Variants in VPS26C observed in about 807,000 individuals in gnomAD.
VPS26C encodes the protein vacuolar protein sorting-associated protein 26C.
Under a neutral mutation model 30.6 loss-of-function variants are expected in VPS26C, and 19 were observed. The ratio of observed to expected loss-of-function variants is 0.62; its 90% CI spans 0.43 to 0.91. VPS26C has a LOEUF of 0.91. VPS26C is among the 40% of genes least tolerant of loss of function. The pLI, the probability that VPS26C is intolerant of heterozygous loss-of-function variation, is 0.00. For synonymous variants in VPS26C, 132 were observed against 151.5 expected (o/e 0.87, Z 0.95); for missense variants, 318 against 385.1 (o/e 0.83, Z 1.46).
rs2086259486 is a variant in VPS26C at position 37,257,821 on chromosome 21, C to T, written c.57+9417G>A. Among the ~76,000 whole-genome samples the T allele has an allele frequency of 6.6e-6, 1 of 152,134 alleles. No individual in the cohort carries two copies. The highest frequency in any genetic ancestry group is 2.1e-4 in the South Asian group (1 of 4,818). On this transcript the variant is annotated intron_variant, in intron 1 of 7. Coordinates refer to ENST00000309117, the MANE Select transcript of VPS26C (RefSeq NM_006052.2). This position sits in a 1 kb window ranked among gnomAD's most constrained non-coding sequence, Gnocchi z 4.2. ...AGGGACCGGCGGAAAGGAAAGTCGG[C>T]GTTAGCTGGATTGGAAACAGTCCAG...
intron 1 of VPS26C, among the ~76,000 whole-genome samples, chr21:37,254,128 C>T (rs982644142): frequency 4.6e-5 from 7 of 152,052 alleles, no homozygotes; most frequent in African/African-American, 7.2e-5. Flanking sequence ...ACAGGGAGTC[C>T]GCCAAAGAAA....
At chr21:37,254,704 G>C in intron 1 of VPS26C, among the ~76,000 whole-genome samples, 1 of 152,090 alleles carries the variant, frequency 6.6e-6, no homozygotes, top group African/African-American at 2.4e-5. Context: ...CCAGCTACTT[G>C]GGAGGCTGCG....
At chr21:37,258,183 C>T (rs889924375) in intron 1 of VPS26C, among the ~76,000 whole-genome samples, 1 of 152,236 alleles carries the variant, frequency 6.6e-6, no homozygotes, top group African/African-American at 2.4e-5. Flanking sequence ...GCCACTGACC[C>T]GGGCGCCTCC....
intron 1 of VPS26C, 95 bp downstream of exon 1, chr21:37,267,143 C>A: frequency 8.5e-7 from 1 of 1,176,340 alleles, no homozygotes. Context: ...CCCTGCCCCG[C>A]CTAGGGACGC....
rs764321836 is a variant in VPS26C at position 37,227,670 on chromosome 21, G to T, written c.795C>A (p.Thr265=). The T allele has an allele frequency of 6.2e-7, 1 of 1,613,890 alleles. No homozygotes were observed. Among genetic ancestry groups the T allele is most frequent in the Non-Finnish European group, 8.5e-7 (1 of 1,179,884 alleles). ...PRLFTCPTLE[T]TNFKVEFEVN... ...GCCACTTACCCACTTTGAAGTTGGT[G>T]GTCTCCAGTGTAGGGCAGGTGAACA... Residue 265 remains threonine (T), a synonymous_variant, in exon 7 of 8, where the codon ACC becomes ACA. Transcript: ENST00000309117.
chr21:37,247,327 T>A (rs1047753500), intron 1 of VPS26C, among the ~76,000 whole-genome samples: 2 of 151,930 alleles, frequency 1.3e-5, no homozygotes, highest in African/African-American at 4.8e-5. Flanking sequence ...GTAACTAAGA[T>A]CAGGTAGTAG....
intron 1 of VPS26C, among the ~76,000 whole-genome samples, chr21:37,264,998 C>A (rs2086343914): frequency 6.6e-6 from 1 of 152,186 alleles, no homozygotes; most frequent in Non-Finnish European, 1.5e-5. Context: ...AGCATGAACA[C>A]TGAACATTAC....
rs1482682274 is a variant in VPS26C, at chr21:37,226,697, T to A, written c.811+957A>T. Reference sequence around the variant, plus strand: ...ACCCAGGCGCTGCTTAGAGTCCGAGTGAGTTCCAGTCTCGGGCCTGACCGT... The same window carrying A: ...ACCCAGGCGCTGCTTAGAGTCCGAGAGAGTTCCAGTCTCGGGCCTGACCGT... On this transcript the variant is annotated intron_variant, in intron 7 of 7. Coordinates refer to ENST00000309117, the MANE Select transcript of VPS26C (RefSeq NM_006052.2). This position sits in a 1 kb window ranked among gnomAD's most constrained non-coding sequence, Gnocchi z 4.1. The A allele has an allele frequency of 6.6e-6, 1 of 152,032 alleles. No homozygotes were observed. The highest frequency in any genetic ancestry group is 1.5e-5 in the Non-Finnish European group (1 of 68,024). The allele number at this position is 152,032 out of a possible 1,614,324, so 9.4% of individuals were successfully genotyped here.
At chr21:37,229,846 C>T (rs2085943447) in intron 5 of VPS26C, among the ~76,000 whole-genome samples, 1 of 152,156 alleles carries the variant, frequency 6.6e-6, no homozygotes, top group African/African-American at 2.4e-5. Context: ...CTGAAGAAGT[C>T]TGCATTCAAG....
intron 1 of VPS26C, among the ~76,000 whole-genome samples, chr21:37,247,212 C>T (rs1199746022): frequency 6.6e-6 from 1 of 152,176 alleles, no homozygotes; most frequent in Non-Finnish European, 1.5e-5. Flanking sequence ...AGTACATTCA[C>T]ATCATCACAG....
Position 37,233,321 on chromosome 21 carries a change from A to G in VPS26C, c.432+41T>C, listed in dbSNP as rs1268913075. 1 of 1,534,062 alleles carries G rather than the reference A, an allele frequency of 6.5e-7. No individual in the cohort carries two copies. The highest frequency in any genetic ancestry group is 1.1e-5 in the South Asian group (1 of 89,430). ...GGTAAACTCTCAGACCCCATGGGAG[A>G]TTCCTATCATTAAGCACCAGAGTCC... is the stretch of plus-strand genomic sequence containing the variant. On this transcript the variant is annotated intron_variant, in intron 4 of 7. Coordinates refer to ENST00000309117, the MANE Select transcript of VPS26C (RefSeq NM_006052.2). This position sits in a 1 kb window ranked among gnomAD's most constrained non-coding sequence, Gnocchi z 5.2.
Position 37,254,931 on chromosome 21 carries a change from G to T in VPS26C, c.57+12307C>A, listed in dbSNP as rs76197602. 3.7e-3 allele frequency among the ~76,000 whole-genome samples: 567 copies of T among 152,240 alleles called. 6 individuals are homozygous for T. Among genetic ancestry groups the T allele is most frequent in the African/African-American group, 0.012 (512 of 41,534 alleles). ...TTCAGGTTAATCCAGGGTAGGCTCT[G>T]GGGACAGATCACCTAAGGCTGCTCT... On this transcript the variant is annotated intron_variant, in intron 1 of 7. Coordinates refer to ENST00000309117, the MANE Select transcript of VPS26C (RefSeq NM_006052.2).
intron 1 of VPS26C, among the ~76,000 whole-genome samples, chr21:37,256,634 T>C (rs1316568934): frequency 6.6e-6 from 1 of 152,238 alleles, no homozygotes; most frequent in East Asian, 1.9e-4. Context: ...GGATTTGTTT[T>C]CTGCCAACAA....
At chr21:37,267,054 C>T (rs1042802980) in intron 1 of VPS26C, 184 bp downstream of exon 1, 15 of 654,602 alleles carry the variant, frequency 2.3e-5, no homozygotes, top group Non-Finnish European at 4.1e-5. Context: ...GGGCAGCCAG[C>T]CTCGCGCGGG....
intron 5 of VPS26C, among the ~76,000 whole-genome samples, chr21:37,230,076 A>G (rs1259671079): frequency 1.3e-5 from 2 of 152,190 alleles, no homozygotes; most frequent in African/African-American, 4.8e-5. Context: ...TATGTTGCCC[A>G]CGCTGGTCTT....
In VPS26C at chr21:37,223,687, G is replaced by A. The variant is rs1569228389; in HGVS notation, c.*1857C>T. ...GTTTTCTGGGAACCAAGTTTCAAGT[G>A]ACTCAGATAAGTTTTATTAATTTCA... is the stretch of plus-strand genomic sequence containing the variant. On this transcript the variant is annotated 3_prime_UTR_variant, in exon 8 of 8. Coordinates refer to ENST00000309117, the MANE Select transcript of VPS26C (RefSeq NM_006052.2). 6.6e-6 allele frequency: 1 copy of A among 152,214 alleles called. No individual in the cohort carries two copies. 9.4% of individuals were successfully genotyped at this position (152,214 alleles called of 1,614,324 possible).
At chr21:37,238,735 G>A (rs911956588) in intron 2 of VPS26C, 126 bp from the exon 3 acceptor site, 6 of 1,068,356 alleles carry the variant, frequency 5.6e-6, no homozygotes, top group Admixed American at 2.4e-5. Context: ...GTCTTCGGCA[G>A]CTCTGCGCTG....
chr21:37,238,950 C>T (rs1194790806), intron 2 of VPS26C, among the ~76,000 whole-genome samples: 1 of 152,208 alleles, frequency 6.6e-6, no homozygotes, highest in Non-Finnish European at 1.5e-5. Flanking sequence ...GTGAGGCTGC[C>T]TGGCTAACAG....
rs569001375 is a variant in VPS26C, at chr21:37,265,023, GC to G, written c.57+2214del. Among the ~76,000 whole-genome samples the G allele has an allele frequency of 2.3e-3, 347 of 152,304 alleles. 2 individuals are homozygous for G. The highest frequency in any genetic ancestry group is 3.3e-3 in the Non-Finnish European group (227 of 68,030). Reference sequence around the variant, plus strand: ...CTGAACATTACTCGAAGTAAAAGAAGCCTGTCAGTCAAAAGGGCCACATAGT... The same window carrying G: ...CTGAACATTACTCGAAGTAAAAGAAGCTGTCAGTCAAAAGGGCCACATAGT... On this transcript the variant is annotated intron_variant, in intron 1 of 7. Transcript: ENST00000309117.
Sources: gnomAD v4.1 joint callset for allele counts (sites outside exome capture counted in the v4.1 genomes callset) on GRCh38, gnomAD v4.1.1 for gene constraint, Gnocchi (gnomAD v3.1) non-coding constraint, MANE v1.5 for transcripts, NCBI Gene and HGNC (gene_info 2026-07-23, HGNC 2026-07-21) for gene names.